Variants in PDZD2 observed in about 807,000 individuals in gnomAD.
PDZD2 encodes PDZ domain containing 2.
A neutral mutation model predicts 220.7 loss-of-function variants in PDZD2; 90 were observed. The ratio of observed to expected loss-of-function variants is 0.41; its 90% CI spans 0.34 to 0.49. The LOEUF (loss-of-function observed/expected upper bound fraction) is 0.49, where lower values mean the gene tolerates loss of function less well. Among genes scored for constraint, PDZD2 ranks in the 20% least tolerant of loss-of-function variants. The pLI is 0.28. For synonymous variants in PDZD2, 1,375 were observed against 1,450.5 expected (o/e 0.95, Z 1.18); for missense variants, 3,174 against 3,608.5 (o/e 0.88, Z 3.08).
chr5:31,902,618 G>C (rs1329418320), intron 2 of PDZD2, among the ~76,000 whole-genome samples: 4 of 149,768 alleles, frequency 2.7e-5, no homozygotes, highest in African/African-American at 9.8e-5. Flanking sequence ...GAGTAGCTGG[G>C]ATTACAGGCA....
chr5:32,069,137 G>T (rs901182293), intron 14 of PDZD2, among the ~76,000 whole-genome samples: 1 of 151,732 alleles, frequency 6.6e-6, no homozygotes, highest in Non-Finnish European at 1.5e-5. Context: ...GTGGTGGTGC[G>T]CGCCTATAGT....
intron 2 of PDZD2, among the ~76,000 whole-genome samples, chr5:31,958,189 G>A (rs2111671167): frequency 6.6e-6 from 1 of 152,128 alleles, no homozygotes; most frequent in South Asian, 2.1e-4. Flanking sequence ...GTATTAATCT[G>A]AAGTAAATGA....
intron 2 of PDZD2, among the ~76,000 whole-genome samples, chr5:31,853,705 TGCAAAG>T (rs2150301674): frequency 6.6e-6 from 1 of 152,282 alleles, no homozygotes; most frequent in South Asian, 2.1e-4. Context: ...ATCTGTCCGT[TGCAAAG>T]CTCATTTACT....
At chr5:31,911,750 A>G (rs1334180449) in intron 2 of PDZD2, among the ~76,000 whole-genome samples, 1 of 152,168 alleles carries the variant, frequency 6.6e-6, no homozygotes, top group East Asian at 1.9e-4. Context: ...TAGCAGAAAA[A>G]TCATGCTGCC....
At chr5:31,928,390 A>AGAGCAT (rs2150388311) in intron 2 of PDZD2, among the ~76,000 whole-genome samples, 2 of 152,330 alleles carry the variant, frequency 1.3e-5, no homozygotes, top group South Asian at 4.1e-4. Context: ...ATTCTTTCAT[A>AGAGCAT]GAGCATCTCC....
intron 5 of PDZD2, among the ~76,000 whole-genome samples, chr5:32,003,979 T>C (rs1008312472): frequency 6.6e-6 from 1 of 152,094 alleles, no homozygotes; most frequent in African/African-American, 2.4e-5. Flanking sequence ...CCCAAAGTGC[T>C]GGGATTGCAG....
At chr5:31,641,362 AG>A (rs1005255022) in intron 1 of PDZD2, among the ~76,000 whole-genome samples, 1 of 152,172 alleles carries the variant, frequency 6.6e-6, no homozygotes, top group African/African-American at 2.4e-5. Flanking sequence ...GGGAGTATGG[AG>A]GAAAAAGAAG....
rs35950291 is a variant in PDZD2 at position 31,768,640 on chromosome 5, C to CAA, written c.-360-30232_-360-30231dup. Reference sequence around the variant, plus strand: ...TGGGCAACAGAGCGAGACTCTGTCTCAAAAAAAAAAAAAAAAAACTGAGAC... The same window carrying CAA: ...TGGGCAACAGAGCGAGACTCTGTCTCAAAAAAAAAAAAAAAAAAAACTGAGAC... On this transcript the variant is annotated intron_variant, in intron 1 of 24. Transcript: ENST00000438447. 1.3e-3 allele frequency among the ~76,000 whole-genome samples: 164 copies of CAA among 126,032 alleles called. 2 individuals carry two copies. The East Asian group carries it at 0.021, about 16-fold the overall frequency. The allele number at this position is 126,032 out of a possible 152,430, so 82.7% of individuals were successfully genotyped here. A position where few individuals can be genotyped will look rare whatever the true frequency, so the allele number is the denominator to read the frequency against.
intron 2 of PDZD2, chr5:31,822,584 G>C: frequency 8.8e-7 from 1 of 1,134,500 alleles, no homozygotes; most frequent in East Asian, 2.9e-5. Flanking sequence ...TGAATGGTTC[G>C]TTTTTTCAGA....
intron 2 of PDZD2, among the ~76,000 whole-genome samples, chr5:31,933,322 C>T (rs1047080849): frequency 4.6e-5 from 7 of 152,160 alleles, no homozygotes; most frequent in Admixed American, 3.3e-4. Flanking sequence ...TTTCTGTATC[C>T]ATTCATCCAT....
chr5:31,880,428 T>A lies in PDZD2; in HGVS notation c.476+80704T>A, dbSNP rs181644945. On this transcript the variant is annotated intron_variant, in intron 2 of 24. Transcript: ENST00000438447. ...TGCTGTATATAGGGCATTTCATCGC[T>A]GCTTCAATAGTCCTCTGTATGAATG... 1.8e-4 allele frequency among the ~76,000 whole-genome samples: 27 copies of A among 152,354 alleles called. No individual in the cohort carries two copies. The East Asian group carries it at 4.2e-3, about 24-fold the overall frequency.
chr5:31,678,804 A>C (rs112398878), intron 1 of PDZD2, among the ~76,000 whole-genome samples: 26,488 of 151,958 alleles, frequency 0.17, 2,445 homozygotes, highest in Middle Eastern at 0.22. Flanking sequence ...ACAGGATTTC[A>C]CTATGTTGGC....
At chr5:31,931,766 G>A (rs1745311935) in intron 2 of PDZD2, among the ~76,000 whole-genome samples, 2 of 152,140 alleles carry the variant, frequency 1.3e-5, no homozygotes, top group South Asian at 4.1e-4. Flanking sequence ...AGATTTGACA[G>A]CTAAGAAACA....
At chr5:31,786,592 C>T (rs1671566084) in intron 1 of PDZD2, among the ~76,000 whole-genome samples, 1 of 152,132 alleles carries the variant, frequency 6.6e-6, no homozygotes, top group South Asian at 2.1e-4. Flanking sequence ...CAGTTCAAAA[C>T]TTCCATGGTT....
intron 2 of PDZD2, chr5:31,854,873 A>T: frequency 1.7e-6 from 1 of 594,068 alleles, no homozygotes; most frequent in Non-Finnish European, 2.1e-6. Flanking sequence ...GGATTGCATT[A>T]CAGGCTTTTC....
intron 2 of PDZD2, among the ~76,000 whole-genome samples, chr5:31,819,833 C>T (rs940184684): frequency 1.3e-5 from 2 of 152,022 alleles, no homozygotes; most frequent in African/African-American, 2.4e-5. Context: ...GTTTGTATCC[C>T]CAGTGACAAT....
intron 1 of PDZD2, among the ~76,000 whole-genome samples, chr5:31,750,850 A>G (rs1370291099): frequency 2.0e-5 from 3 of 152,128 alleles, no homozygotes; most frequent in Non-Finnish European, 4.4e-5. Flanking sequence ...TGTGGGGAAG[A>G]AGTAGTCAGG....
Position 32,081,451 on chromosome 5 carries a change from G to A in PDZD2, c.3682+3845G>A, listed in dbSNP as rs998167198. 7.2e-5 allele frequency among the ~76,000 whole-genome samples: 11 copies of A among 152,332 alleles called. No individual in the cohort carries two copies. In the South Asian group the frequency reaches 1.0e-3, roughly 14 times the overall value. On this transcript the variant is annotated intron_variant, in intron 19 of 24. Transcript: ENST00000438447. ...ACCATTTAATTCTTTAAGGGTCCTCGTCAGGATTGATCGAGTTGCAGTGAC... is the reference window on the plus strand; with the variant it reads ...ACCATTTAATTCTTTAAGGGTCCTCATCAGGATTGATCGAGTTGCAGTGAC...
intron 1 of PDZD2, among the ~76,000 whole-genome samples, chr5:31,734,108 A>G (rs1028249286): frequency 6.6e-6 from 1 of 152,184 alleles, no homozygotes; most frequent in Non-Finnish European, 1.5e-5. Flanking sequence ...CACAGAACTC[A>G]GGGAAATACT....
Sources: gnomAD v4.1 joint callset for allele counts (sites outside exome capture counted in the v4.1 genomes callset) on GRCh38, gnomAD v4.1.1 for gene constraint, MANE v1.5 for transcripts, NCBI Gene and HGNC (gene_info 2026-07-23, HGNC 2026-07-21) for gene names.